ZNF484: variants seen among roughly 807,000 people sequenced by gnomAD.
The protein encoded by ZNF484 is KRAB box containing C2H2 type zinc finger bA526D8.4.
In ZNF484, 11 loss-of-function variants were observed where a neutral mutation model predicts 12.9. The observed-to-expected ratio is 0.85, with a 90% CI of 0.54 to 1.41. The LOEUF (loss-of-function observed/expected upper bound fraction) is 1.41, where lower values mean the gene tolerates loss of function less well. ZNF484 is among the 40% of genes most tolerant of loss of function. ZNF484 has a pLI of 0.00. For synonymous variants in ZNF484, 289 were observed against 334.1 expected, an observed-to-expected ratio of 0.86 and a Z score of 1.47; for missense variants, 807 against 1,007.7, an observed-to-expected ratio of 0.80 and a Z score of 2.70.
rs2131581518 is a variant in ZNF484 at position 92,846,050 on chromosome 9, A to T, written c.*178T>A. 1.5e-6 allele frequency: 1 copy of T among 653,946 alleles called. No individual in the cohort carries two copies. The highest frequency in any genetic ancestry group is 2.5e-6 in the Non-Finnish European group (1 of 399,680). 40.5% of individuals were successfully genotyped at this position (653,946 alleles called of 1,614,324 possible). On this transcript the variant is annotated 3_prime_UTR_variant, in exon 5 of 5. Transcript: ENST00000375495. ...TATAAAACTGTTTGCCCAAAAAGTG[A>T]AACAAGAAAGACTGCCAATCATCTC...
In ZNF484 at chr9:92,856,185, T is replaced by C. The variant is rs1279383438; in HGVS notation, c.142+7A>G. On this transcript the variant is annotated splice_region_variant and intron_variant, in intron 3 of 4. Transcript: ENST00000375495. ...GCCTACTCTATACCCAGCAGAGCCG[T>C]GCTTACCCACTGAGATCAAGTTGAA... 1 of 1,613,636 alleles carries C rather than the reference T, an allele frequency of 6.2e-7. No individual in the cohort carries two copies. Among genetic ancestry groups the C allele is most frequent in the Admixed American group, 1.7e-5 (1 of 59,880 alleles).
intron 2 of ZNF484, 139 bp from the exon 3 acceptor site, chr9:92,856,457 A>G: frequency 3.4e-6 from 2 of 584,056 alleles, no homozygotes; most frequent in Non-Finnish European, 2.7e-6. Flanking sequence ...GTGATACAAT[A>G]TACTATAAAG....
At chr9:92,870,673 G>T (rs755267811) in intron 2 of ZNF484, among the ~76,000 whole-genome samples, 1 of 152,206 alleles carries the variant, frequency 6.6e-6, no homozygotes, top group Non-Finnish European at 1.5e-5. Context: ...GGTGTGAGAG[G>T]ATGTCAAATG....
chr9:92,854,545 G>A (rs1228851409), intron 4 of ZNF484, among the ~76,000 whole-genome samples: 3 of 152,032 alleles, frequency 2.0e-5, no homozygotes, highest in African/African-American at 7.2e-5. Context: ...GTGAAACCCC[G>A]TCTCTACTAA....
At chr9:92,860,603 C>CA (rs66491279) in intron 2 of ZNF484, among the ~76,000 whole-genome samples, 46,051 of 91,256 alleles carry the variant, frequency 0.5, 9,719 homozygotes, top group Middle Eastern at 0.57. Context: ...GACTCCATCT[C>CA]AAAAAAAAAA....
intron 2 of ZNF484, among the ~76,000 whole-genome samples, chr9:92,860,488 C>T (rs1856715794): frequency 6.6e-6 from 1 of 151,588 alleles, no homozygotes; most frequent in Non-Finnish European, 1.5e-5. Context: ...CCTGTAGTCC[C>T]AGCTACTTGA....
At chr9:92,863,796 T>C (rs1050493879) in intron 2 of ZNF484, among the ~76,000 whole-genome samples, 15 of 152,210 alleles carry the variant, frequency 9.9e-5, no homozygotes, top group African/African-American at 4.8e-5. Context: ...AGGCATATTA[T>C]AGGACGTTAG....
chr9:92,846,385 T>C lies in ZNF484; in HGVS notation c.2402A>G (p.Gln801Arg). ...LIKHQKIHTK[Q>R]KPYKCSDLGK... ...CAAGTCACTGCACTTATAGGGTTTC[T>C]GTTTAGTATGAATTTTCTGGTGTTT... Residue 801 changes from glutamine to arginine, a missense_variant, in exon 5 of 5, where the codon CAG becomes CGG. Transcript: ENST00000375495. The C allele has an allele frequency of 6.2e-7, 1 of 1,614,184 alleles. No individual in the cohort carries two copies. The highest frequency in any genetic ancestry group is 8.5e-7 in the Non-Finnish European group (1 of 1,180,006).
chr9:92,847,975 C>T lies in ZNF484; in HGVS notation c.812G>A (p.Ser271Asn), dbSNP rs143999491. 30 of 1,614,116 alleles carry T rather than the reference C, an allele frequency of 1.9e-5. No individual in the cohort carries two copies. Among genetic ancestry groups the T allele is most frequent in the African/African-American group, 2.7e-5 (2 of 74,934 alleles). Residue 271 changes from serine (S) to asparagine (N), a missense_variant, in exon 5 of 5, where the codon AGT becomes AAT. Ser to Asn is a conservative substitution (Grantham distance 46, BLOSUM62 1). Coordinates refer to ENST00000375495, the MANE Select transcript of ZNF484 (RefSeq NM_031486.4). ...ATGCTGCTTTTCTTCAGCACAAATACTCTCATGTGCAAAGGCATGTGACTT... is the reference window on the plus strand; with the variant it reads ...ATGCTGCTTTTCTTCAGCACAAATATTCTCATGTGCAAAGGCATGTGACTT... ...SPKSHAFAHESICAEEKQHEC... is the reference protein window; with the variant it reads ...SPKSHAFAHENICAEEKQHEC...
intron 2 of ZNF484, among the ~76,000 whole-genome samples, chr9:92,862,517 T>C (rs1856837446): frequency 6.6e-6 from 1 of 151,970 alleles, no homozygotes; most frequent in Non-Finnish European, 1.5e-5. Flanking sequence ...CAAAGTGATT[T>C]TTAGAAGGGA....
At chr9:92,861,709 C>G (rs1160374402) in intron 2 of ZNF484, among the ~76,000 whole-genome samples, 1 of 152,110 alleles carries the variant, frequency 6.6e-6, no homozygotes, top group African/African-American at 2.4e-5. Flanking sequence ...ACAGAACAGC[C>G]AACAATCATT....
chr9:92,855,798 G>T lies in ZNF484; in HGVS notation c.235+13C>A, dbSNP rs769947370. 2.7e-5 allele frequency: 43 copies of T among 1,612,682 alleles called. No homozygotes were observed. The highest frequency in any genetic ancestry group is 3.6e-5 in the Non-Finnish European group (42 of 1,178,924). On this transcript the variant is annotated intron_variant, in intron 4 of 4. Coordinates refer to ENST00000375495, the MANE Select transcript of ZNF484 (RefSeq NM_031486.4). ...AGTCATACTGTCTACCATGCTCTTG[G>T]TTCCCTTCTCACCTGGACGGCTCTG...
chr9:92,844,406 C>T lies in ZNF484; in HGVS notation c.*1822G>A, dbSNP rs1020505062. Among the ~76,000 whole-genome samples the T allele has an allele frequency of 2.6e-5, 4 of 152,096 alleles. No homozygotes were observed. Among genetic ancestry groups the T allele is most frequent in the African/African-American group, 4.8e-5 (2 of 41,420 alleles). ...TTCCCCAAATGCACATGTGCACACACGTACACGCACACGTGCACACACACA... is the reference window on the plus strand; with the variant it reads ...TTCCCCAAATGCACATGTGCACACATGTACACGCACACGTGCACACACACA... On this transcript the variant is annotated 3_prime_UTR_variant, in exon 5 of 5. Transcript: ENST00000375495.
At chr9:92,849,401 G>T (rs1257475258) in intron 4 of ZNF484, among the ~76,000 whole-genome samples, 1 of 151,988 alleles carries the variant, frequency 6.6e-6, no homozygotes, top group Admixed American at 6.6e-5. Flanking sequence ...GTAATACAAT[G>T]ATGTAGAGTA....
Position 92,855,897 on chromosome 9 carries a change from T to C in ZNF484, c.149A>G (p.Gln50Arg), listed in dbSNP as rs150563130. The C allele has an allele frequency of 4.3e-6, 7 of 1,614,026 alleles. No homozygotes were observed. In the African/African-American group the frequency reaches 5.3e-5, roughly 12 times the overall value. ...NYFNLISVGC[Q>R]VPKPEVIFSL... ...GAAGATGACTTCTGGTTTGGGAACT[T>C]GACATCCTGTTAACAGGGGATGATA... The change falls in exon 4 of 5, where the codon CAA (glutamine) becomes CGA (arginine). Residue 50 changes from glutamine to arginine, a missense_variant. Coordinates refer to ENST00000375495, the MANE Select transcript of ZNF484 (RefSeq NM_031486.4).
chr9:92,856,490 C>T (rs543036361), intron 2 of ZNF484, among the ~76,000 whole-genome samples, 172 bp from the exon 3 acceptor site: 13 of 151,744 alleles, frequency 8.6e-5, no homozygotes, highest in African/African-American at 1.7e-4. Context: ...TCAACGACAA[C>T]GAACAAAATA....
chr9:92,859,837 A>G (rs914230797), intron 2 of ZNF484, among the ~76,000 whole-genome samples: 1 of 152,256 alleles, frequency 6.6e-6, no homozygotes, highest in African/African-American at 2.4e-5. Context: ...AAATCAGCCA[A>G]GGGAAGATGT....
At chr9:92,850,071 G>C (rs1855975968) in intron 4 of ZNF484, among the ~76,000 whole-genome samples, 1 of 152,202 alleles carries the variant, frequency 6.6e-6, no homozygotes, top group South Asian at 2.1e-4. Flanking sequence ...AAAATGTTGG[G>C]ATTACAGGCG....
rs952503278 is a variant in ZNF484, at chr9:92,846,766, G to A, written c.2021C>T (p.Thr674Ile). Residue 674 changes from threonine to isoleucine, a missense_variant, in exon 5 of 5, where the codon ACT becomes ATT. Physicochemically the swap from Thr to Ile is moderately conservative, Grantham distance 89. Coordinates refer to ENST00000375495, the MANE Select transcript of ZNF484 (RefSeq NM_031486.4). ...ATGTATATGGAGACCTGACTTCCTA[G>A]TGAAGGCTTTCCCACAGTCACTACA... Reference protein sequence around the residue: ...YKCSDCGKAFTRKSGLHIHQQ... With the variant: ...YKCSDCGKAFIRKSGLHIHQQ... The A allele has an allele frequency of 1.2e-6, 2 of 1,613,810 alleles. No individual in the cohort carries two copies. Among genetic ancestry groups the A allele is most frequent in the Non-Finnish European group, 8.5e-7 (1 of 1,179,916 alleles).
Sources: allele counts gnomAD v4.1 joint callset (sites outside exome capture counted in the v4.1 genomes callset), GRCh38; gene constraint gnomAD v4.1.1; transcripts MANE v1.5; gene names NCBI Gene and HGNC (gene_info 2026-07-23, HGNC 2026-07-21).